Variants in PLEKHG7 observed in about 807,000 individuals in gnomAD.
The protein encoded by PLEKHG7 is pleckstrin homology and RhoGEF domain containing G7.
PLEKHG7 carries 77 observed loss-of-function variants against 85.2 expected under a neutral mutation model. That is an observed-to-expected ratio of 0.90 (90% CI 0.75 to 1.09). PLEKHG7 has a LOEUF of 1.09. PLEKHG7 is among the 50% of genes least tolerant of loss of function. PLEKHG7 has a pLI of 0.00. For missense variants in PLEKHG7, 777 were observed against 804.3 expected (o/e 0.97, Z 0.41); for synonymous variants, 301 against 302.4 (o/e 1.00, Z 0.05).
In PLEKHG7 at chr12:92,736,609, A is replaced by ACTTTTTCTTTTCGTTTTTTGG. The variant is rs997064971; in HGVS notation, c.795+33_795+53dup. 2.5e-6 allele frequency: 3 copies of ACTTTTTCTTTTCGTTTTTTGG among 1,194,006 alleles called. No individual in the cohort carries two copies. In the African/African-American group the frequency reaches 4.7e-5, roughly 19 times the overall value. 74.0% of individuals were successfully genotyped at this position (1,194,006 alleles called of 1,614,324 possible). A position where few individuals can be genotyped will look rare whatever the true frequency, so the allele number is the denominator to read the frequency against. On this transcript the variant is annotated intron_variant, in intron 6 of 16. Transcript: ENST00000344636. The stretch of plus-strand genomic sequence containing the variant: ...TTCAAACTGTTAACTATGGGGTTTG[A>ACTTTTTCTTTTCGTTTTTTGG]CTTTTTCTTTTCGTTTTTTGGTGGG...
At chr12:92,717,062 T>G (rs1871509863) in intron 3 of PLEKHG7, among the ~76,000 whole-genome samples, 1 of 152,218 alleles carries the variant, frequency 6.6e-6, no homozygotes, top group South Asian at 2.1e-4. Context: ...TAGGGAAACA[T>G]TCCTAGCATC....
At chr12:92,711,697 C>A (rs546708058) in intron 3 of PLEKHG7, among the ~76,000 whole-genome samples, 2 of 152,304 alleles carry the variant, frequency 1.3e-5, no homozygotes, top group East Asian at 1.9e-4. Context: ...CTGTGATTCA[C>A]CTATAGGGGA....
At position 92,746,553 on chromosome 12, in the gene PLEKHG7, A is replaced by G. The variant is rs563212322; in HGVS notation, c.1251+962A>G. ...GATAGCTCATTAGATTTCCAAATGCATGAATAATCATATTGCAAATGTTTC... is the reference window on the plus strand; with the variant it reads ...GATAGCTCATTAGATTTCCAAATGCGTGAATAATCATATTGCAAATGTTTC... On this transcript the variant is annotated intron_variant, in intron 10 of 16. Transcript: ENST00000344636. Among the ~76,000 whole-genome samples the G allele has an allele frequency of 3.9e-5, 6 of 152,330 alleles. No homozygotes were observed. In the South Asian group the frequency reaches 8.3e-4, roughly 21 times the overall value.
At chr12:92,732,404 A>T in intron 5 of PLEKHG7, 131 bp downstream of exon 5, 2 of 504,226 alleles carry the variant, frequency 4.0e-6, no homozygotes, top group Non-Finnish European at 6.2e-6. Context: ...AATATAAATG[A>T]TATCATCACA....
chr12:92,723,695 G>A (rs1236158228), intron 3 of PLEKHG7, among the ~76,000 whole-genome samples: 1 of 152,038 alleles, frequency 6.6e-6, no homozygotes, highest in East Asian at 1.9e-4. Context: ...GTTCAACCAA[G>A]GGTCACACTG....
chr12:92,710,927 C>T (rs1376195272), intron 3 of PLEKHG7, among the ~76,000 whole-genome samples: 1 of 152,180 alleles, frequency 6.6e-6, no homozygotes, highest in Non-Finnish European at 1.5e-5. Flanking sequence ...TCATGAGCAC[C>T]TACGTGGGGT....
chr12:92,706,619 A>C lies in PLEKHG7; in HGVS notation c.-13A>C, dbSNP rs1363696906. 2 of 1,588,404 alleles carry C rather than the reference A, an allele frequency of 1.3e-6. No individual in the cohort carries two copies. Among genetic ancestry groups the C allele is most frequent in the Non-Finnish European group, 1.7e-6 (2 of 1,167,746 alleles). On this transcript the variant is annotated 5_prime_UTR_variant, in exon 2 of 17. Coordinates refer to ENST00000344636, the MANE Select transcript of PLEKHG7 (RefSeq NM_001377329.1). Reference sequence around the variant, plus strand: ...TCTGGAACCTTCTACCAACAGTAGAACCTCTTAGCTTTATGGAGAAAACAG... The same window carrying C: ...TCTGGAACCTTCTACCAACAGTAGACCCTCTTAGCTTTATGGAGAAAACAG...
At position 92,707,135 on chromosome 12, in the gene PLEKHG7, T is replaced by G; in HGVS notation, c.504T>G (p.Pro168=). The G allele has an allele frequency of 6.2e-7, 1 of 1,612,004 alleles. No homozygotes were observed. Among genetic ancestry groups the G allele is most frequent in the South Asian group, 1.1e-5 (1 of 90,768 alleles). The change falls in exon 2 of 17, where the codon CCT becomes CCG. Residue 168 remains proline (P), a synonymous_variant. Transcript: ENST00000344636. ...LPSPTLRHPS[P]QGEELHPSRF... ...GCCCCACCCTACGACACCCTAGTCC[T>G]CAGGTAACACAGCTCTAAGCCTCCG... is the stretch of plus-strand genomic sequence containing the variant.
At chr12:92,717,020 T>C (rs1871508058) in intron 3 of PLEKHG7, among the ~76,000 whole-genome samples, 1 of 152,182 alleles carries the variant, frequency 6.6e-6, no homozygotes, top group Non-Finnish European at 1.5e-5. Context: ...ATTTTAAACA[T>C]CAGAAGCAAG....
chr12:92,743,973 G>C, intron 9 of PLEKHG7, among the ~76,000 whole-genome samples: 1 of 152,156 alleles, frequency 6.6e-6, no homozygotes, highest in East Asian at 1.9e-4. Flanking sequence ...TCCTTTTCAA[G>C]GCCCAGCTAT....
chr12:92,756,043 A>G (rs912992471), intron 12 of PLEKHG7, 103 bp downstream of exon 12: 5 of 832,530 alleles, frequency 6.0e-6, no homozygotes, highest in Non-Finnish European at 9.6e-6. Flanking sequence ...CACTTGAAGA[A>G]TAAATCTAGT....
chr12:92,763,020 C>A (rs1283560323), intron 14 of PLEKHG7, among the ~76,000 whole-genome samples: 1 of 151,998 alleles, frequency 6.6e-6, no homozygotes, highest in Non-Finnish European at 1.5e-5. Context: ...AAATCTCTAC[C>A]CCCTTCAAAA....
At position 92,740,887 on chromosome 12, in the gene PLEKHG7, A is replaced by T; in HGVS notation, c.974A>T (p.His325Leu). The stretch of plus-strand genomic sequence containing the variant: ...AATACACTAAGATATCTGCAAACTC[A>T]TGAATATCTCCTAGATGTGGATTTA... ...FMNTLRYLQTHEYLLDVDLWR... is the reference protein window; with the variant it reads ...FMNTLRYLQTLEYLLDVDLWR... Residue 325 changes from histidine (H) to leucine (L), a missense_variant, in exon 8 of 17, where the codon CAT (histidine) becomes CTT (leucine). Physicochemically the swap from His to Leu is moderately conservative, Grantham distance 99. Transcript: ENST00000344636. 1.2e-6 allele frequency: 2 copies of T among 1,611,344 alleles called. No individual in the cohort carries two copies. Among genetic ancestry groups the T allele is most frequent in the Non-Finnish European group, 1.7e-6 (2 of 1,178,154 alleles).
chr12:92,703,267 G>A (rs1331215086), intron 1 of PLEKHG7, 135 bp downstream of exon 1: 3 of 152,210 alleles, frequency 2.0e-5, no homozygotes, highest in Non-Finnish European at 4.4e-5. Flanking sequence ...ACCTGCAATG[G>A]TTTCATTTCT....
intron 10 of PLEKHG7, among the ~76,000 whole-genome samples, chr12:92,746,023 G>A (rs780441643): frequency 6.6e-6 from 1 of 152,184 alleles, no homozygotes; most frequent in African/African-American, 2.4e-5. Flanking sequence ...CTTGATTAGA[G>A]TATAAAGCAC....
intron 7 of PLEKHG7, among the ~76,000 whole-genome samples, chr12:92,740,000 A>T (rs2136603737): frequency 6.6e-6 from 1 of 152,332 alleles, no homozygotes; most frequent in South Asian, 2.1e-4. Flanking sequence ...GTGGGGGCCC[A>T]GCAAGCTCTG....
intron 5 of PLEKHG7, 98 bp downstream of exon 5, chr12:92,732,371 G>A (rs972072743): frequency 4.3e-6 from 3 of 704,220 alleles, no homozygotes; most frequent in Non-Finnish European, 4.0e-6. Context: ...CTTTATCTTT[G>A]TATAAAGGCA....
intron 3 of PLEKHG7, chr12:92,721,519 T>A: frequency 8.1e-7 from 1 of 1,228,844 alleles, no homozygotes; most frequent in Non-Finnish European, 1.0e-6. Flanking sequence ...GCAACGCAAC[T>A]CAGGGTTAGT....
At chr12:92,763,428 T>A (rs1309415944) in intron 14 of PLEKHG7, among the ~76,000 whole-genome samples, 1 of 152,190 alleles carries the variant, frequency 6.6e-6, no homozygotes, top group Admixed American at 6.5e-5. Context: ...ATACTAGGAA[T>A]GAAGAACTTC....
Sources: allele counts gnomAD v4.1 joint callset (sites outside exome capture counted in the v4.1 genomes callset), GRCh38; gene constraint gnomAD v4.1.1; transcripts MANE v1.5; gene names NCBI Gene and HGNC (gene_info 2026-07-23, HGNC 2026-07-21).